The following MTERF2 variants were observed in gnomAD, a reference collection of about 807,000 sequenced individuals.
MTERF2 encodes the protein mitochondrial transcription termination factor 2.
In MTERF2, 23 loss-of-function variants were observed where a neutral mutation model predicts 29.2. That is an observed-to-expected ratio of 0.79 (90% confidence interval 0.57 to 1.12). MTERF2 has a LOEUF of 1.12. Among genes scored for constraint, MTERF2 ranks in the 50% most tolerant of loss-of-function variants. The pLI is 0.00. For missense variants in MTERF2, 440 were observed against 429.4 expected (o/e 1.02, Z -0.22); for synonymous variants, 157 against 159.5 (o/e 0.98, Z 0.12).
In MTERF2 at chr12:106,986,470, CAAAA is replaced by C. The variant is rs537035475; in HGVS notation, c.-169+495_-169+498del. The C allele has an allele frequency of 3.9e-3, 589 of 150,574 alleles. 1 individual carries two copies. Among genetic ancestry groups the C allele is most frequent in the African/African-American group, 0.014 (561 of 40,826 alleles). The allele number at this position is 150,574 out of a possible 1,614,324, so 9.3% of individuals were successfully genotyped here. ...AAGGTTACTCAGCTAAAAAAAAAAA[CAAAA>C]AACAAAAAACCGGCAGAATTTGGAC... On this transcript the variant is annotated intron_variant, in intron 1 of 2. Transcript: ENST00000240050.
rs1211488664 is a variant in MTERF2, at chr12:106,986,995, A to C, written c.-195T>G. The C allele has an allele frequency of 6.6e-6, 1 of 152,386 alleles. No individual in the cohort carries two copies. The highest frequency in any genetic ancestry group is 2.4e-5 in the African/African-American group (1 of 41,464). The allele number at this position is 152,386 out of a possible 1,614,324, so 9.4% of individuals were successfully genotyped here. On this transcript the variant is annotated 5_prime_UTR_variant, in exon 1 of 3. Transcript: ENST00000240050. ...CGTCGGCGTCAGCTCCAAGCAAGGC[A>C]CAGGGAGTCCCGGGGGCCAGGCCCC...
At chr12:106,983,192 T>C (rs1225397588) in intron 2 of MTERF2, among the ~76,000 whole-genome samples, 1 of 152,198 alleles carries the variant, frequency 6.6e-6, no homozygotes, top group African/African-American at 2.4e-5. Context: ...AAATTTACCA[T>C]TTAAACCATT....
At chr12:106,984,556 C>T (rs1356005251) in intron 2 of MTERF2, among the ~76,000 whole-genome samples, 2 of 152,018 alleles carry the variant, frequency 1.3e-5, no homozygotes, top group Admixed American at 1.3e-4. Flanking sequence ...TGGCTGTGTC[C>T]CCACCCAAAT....
At chr12:106,986,934 A>C (rs1952125335) in intron 1 of MTERF2, 35 bp downstream of exon 1, 1 of 152,190 alleles carries the variant, frequency 6.6e-6, no homozygotes, top group Non-Finnish European at 1.5e-5. Context: ...GCTGGTGAGG[A>C]ACACGCCCAG....
Position 106,982,903 on chromosome 12 carries a change from C to A in MTERF2, c.-58+2212G>T, listed in dbSNP as rs144541505. Among the ~76,000 whole-genome samples, 63 of 152,246 alleles carry A rather than the reference C, an allele frequency of 4.1e-4. 1 individual carries two copies. The highest frequency in any genetic ancestry group is 1.6e-3 in the Admixed American group (25 of 15,304). On this transcript the variant is annotated intron_variant, in intron 2 of 2. Transcript: ENST00000240050. Reference sequence around the variant, plus strand: ...TTATTTTGATATGTAAAAAATGATACAACACTAATTTAACTTCTTTTTATT... The same window carrying A: ...TTATTTTGATATGTAAAAAATGATAAAACACTAATTTAACTTCTTTTTATT...
chr12:106,979,960 C>T (rs867096540), intron 2 of MTERF2, among the ~76,000 whole-genome samples: 6 of 152,156 alleles, frequency 3.9e-5, no homozygotes, highest in South Asian at 2.1e-4. Flanking sequence ...TGCAGTGGCG[C>T]GATCTTGGCT....
chr12:106,981,989 A>G (rs1165959827), intron 2 of MTERF2, among the ~76,000 whole-genome samples: 1 of 152,176 alleles, frequency 6.6e-6, no homozygotes, highest in Non-Finnish European at 1.5e-5. Context: ...ATACATGATG[A>G]TGTGTGACCT....
In MTERF2 at chr12:106,978,041, G is replaced by A; in HGVS notation, c.674C>T (p.Thr225Ile). The change falls in exon 3 of 3, where the codon ACA (threonine) becomes ATA (isoleucine). Residue 225 changes from threonine to isoleucine, a missense_variant. By Grantham distance (89) the Thr-to-Ile change is moderately conservative. Coordinates refer to ENST00000240050, the MANE Select transcript of MTERF2 (RefSeq NM_001033050.3). ...AAATTCTAGTGTTTCCTTTATAGCT[G>A]TGGGAGAATTTAACAAAATAAATGG... Reference protein sequence around the residue: ...QNPFILLNSPTAIKETLEFLQ... With the variant: ...QNPFILLNSPIAIKETLEFLQ... The A allele has an allele frequency of 6.2e-7, 1 of 1,614,006 alleles. No individual in the cohort carries two copies. The highest frequency in any genetic ancestry group is 8.5e-7 in the Non-Finnish European group (1 of 1,179,994).
chr12:106,982,412 C>A (rs147172764), intron 2 of MTERF2, among the ~76,000 whole-genome samples: 2,292 of 152,256 alleles, frequency 0.015, 28 homozygotes, highest in Non-Finnish European at 0.024. Context: ...TCAGATGAGT[C>A]GTCTTTACTA....
In MTERF2 at chr12:106,977,354, AC is replaced by A. The variant is rs1287246015; in HGVS notation, c.*202del. ...GAAATAATGGTTCAAGGTAAAAGTT[AC>A]CAACCTTATTAAAATAAATATGATT... On this transcript the variant is annotated 3_prime_UTR_variant, in exon 3 of 3. Coordinates refer to ENST00000240050, the MANE Select transcript of MTERF2 (RefSeq NM_001033050.3). 7 of 459,916 alleles carry A rather than the reference AC, an allele frequency of 1.5e-5. No individual in the cohort carries two copies. Among genetic ancestry groups the A allele is most frequent in the Non-Finnish European group, 2.6e-5 (7 of 267,080 alleles). The allele number at this position is 459,916 out of a possible 1,614,324, so 28.5% of individuals were successfully genotyped here.
chr12:106,984,031 G>C (rs1397589797), intron 2 of MTERF2, among the ~76,000 whole-genome samples: 1 of 152,162 alleles, frequency 6.6e-6, no homozygotes, highest in African/African-American at 2.4e-5. Context: ...TACAAAGAAA[G>C]GAGAGCAGCT....
At position 106,978,686 on chromosome 12, in the gene MTERF2, T is replaced by C; in HGVS notation, c.29A>G (p.Gln10Arg). 1.2e-6 allele frequency: 2 copies of C among 1,613,952 alleles called. No homozygotes were observed. Among genetic ancestry groups the C allele is most frequent in the Non-Finnish European group, 1.7e-6 (2 of 1,179,932 alleles). Residue 10 changes from glutamine to arginine, a missense_variant, in exon 3 of 3, where the codon CAG (glutamine) becomes CGG (arginine). Coordinates refer to ENST00000240050, the MANE Select transcript of MTERF2 (RefSeq NM_001033050.3). ...TCTGAAAGAACACAGCCTGCAGGAC[T>C]GGGATCTCAGCAGCAGCTTCCACAA... MLWKLLLRS[Q>R]SCRLCSFRKM... is the part of the protein sequence containing the mutation.
rs1054546355 is a variant in MTERF2 at position 106,985,102 on chromosome 12, C to CT, written c.-58+12dup. The CT allele has an allele frequency of 2.6e-5, 4 of 152,266 alleles. No individual in the cohort carries two copies. The highest frequency in any genetic ancestry group is 4.8e-5 in the African/African-American group (2 of 41,458). The allele number at this position is 152,266 out of a possible 1,614,324, so 9.4% of individuals were successfully genotyped here. On this transcript the variant is annotated intron_variant, in intron 2 of 2. Coordinates refer to ENST00000240050, the MANE Select transcript of MTERF2 (RefSeq NM_001033050.3). ...ACCTTCAAGGCTTGGTTCTAGACCT[C>CT]TCTTCTTCTTACCTTACAGTCTCTC...
chr12:106,981,750 A>G (rs1167493214), intron 2 of MTERF2, among the ~76,000 whole-genome samples: 1 of 152,050 alleles, frequency 6.6e-6, no homozygotes, highest in Non-Finnish European at 1.5e-5. Context: ...GGAACTCCTG[A>G]GCTCAAGCAG....
In MTERF2 at chr12:106,977,581, C is replaced by T. The variant is rs1158051848; in HGVS notation, c.1134G>A (p.Val378=). ...GTCATTCTTCAACATTTAATGGTGCCACAGGGTTAAATAATGGCCTTACTT... is the reference window on the plus strand; with the variant it reads ...GTCATTCTTCAACATTTAATGGTGCTACAGGGTTAAATAATGGCCTTACTT... ...AKKVRPLFNP[V]APLNVEE is the part of the protein sequence containing the mutation. Residue 378 remains valine (V), a synonymous_variant, in exon 3 of 3, where the codon GTG becomes GTA. Transcript: ENST00000240050. 2 of 1,611,990 alleles carry T rather than the reference C, an allele frequency of 1.2e-6. No homozygotes were observed. The highest frequency in any genetic ancestry group is 8.5e-7 in the Non-Finnish European group (1 of 1,179,066).
Position 106,977,919 on chromosome 12 carries a change from T to G in MTERF2, c.796A>C (p.Ser266Arg). The change falls in exon 3 of 3, where the codon AGT becomes CGT. Residue 266 changes from serine (S) to arginine (R), a missense_variant. Transcript: ENST00000240050. ...AAAGCATTTTTAGAGAAGGAAATAC[T>G]ATTCTGTATACTTCTTGGGCAAAGT... Reference protein sequence around the residue: ...FQLCPRSIQNSISFSKNAFKC... With the variant: ...FQLCPRSIQNRISFSKNAFKC... 1 of 1,614,134 alleles carries G rather than the reference T, an allele frequency of 6.2e-7. No homozygotes were observed. The highest frequency in any genetic ancestry group is 1.1e-5 in the South Asian group (1 of 91,080).
chr12:106,986,427 A>T (rs919453894), intron 1 of MTERF2: 1 of 152,108 alleles, frequency 6.6e-6, no homozygotes, highest in African/African-American at 2.4e-5. Flanking sequence ...AAACAGACGC[A>T]GGTAAAGGAA....
Position 106,977,604 on chromosome 12 carries a change from C to CT in MTERF2, c.1110dup (p.Val371SerfsTer6). The CT allele has an allele frequency of 1.2e-6, 2 of 1,613,480 alleles. No individual in the cohort carries two copies. Among genetic ancestry groups the CT allele is most frequent in the African/African-American group, 1.3e-5 (1 of 74,984 alleles). ...GCCACAGGGTTAAATAATGGCCTTACTTTTTTGGCCTGAATTTTGCCAAAA... is the reference window on the plus strand; with the variant it reads ...GCCACAGGGTTAAATAATGGCCTTACTTTTTTTGGCCTGAATTTTGCCAAAA... On this transcript the variant is annotated frameshift_variant, in exon 3 of 3. Transcript: ENST00000240050. LOFTEE classifies it high-confidence loss of function.
intron 2 of MTERF2, among the ~76,000 whole-genome samples, chr12:106,979,791 C>T (rs1239981987): frequency 2.0e-5 from 3 of 152,234 alleles, no homozygotes; most frequent in Admixed American, 2.0e-4. Context: ...CATTAACAGT[C>T]TTTGCCTCTA....
Sources: gnomAD v4.1 joint callset for allele counts (sites outside exome capture counted in the v4.1 genomes callset) on GRCh38, gnomAD v4.1.1 for gene constraint, MANE v1.5 for transcripts, NCBI Gene and HGNC (gene_info 2026-07-23, HGNC 2026-07-21) for gene names.